Variants in TMPRSS2 observed in about 807,000 individuals in gnomAD.
TMPRSS2 encodes the protein transmembrane protease serine 2.
TMPRSS2 carries 59 observed loss-of-function variants against 67.4 expected under a neutral mutation model. That is an observed-to-expected ratio of 0.88 (90% CI 0.71 to 1.09). The LOEUF is 1.09. Ranked by LOEUF, TMPRSS2 falls within the 50% of genes least tolerant of loss-of-function variation. TMPRSS2 has a pLI of 0.00. For synonymous variants in TMPRSS2, 257 were observed against 257.0 expected, an observed-to-expected ratio of 1.00 and a Z score of 0.00; for missense variants, 668 against 642.7, an observed-to-expected ratio of 1.04 and a Z score of -0.43.
chr21:41,487,439 T>G (rs755602696), intron 5 of TMPRSS2: 1 of 152,206 alleles, frequency 6.6e-6, no homozygotes, highest in Non-Finnish European at 1.5e-5. Context: ...AAATCTTAGT[T>G]AGACAGGAGG....
rs780868244 is a variant in TMPRSS2 at position 41,465,986 on chromosome 21, A to G, written c.*156T>C. Reference sequence around the variant, plus strand: ...GGGCAGGGGAGCCACTGCAGCCTGCACAGAATGGCAGAGAGTGCCAAAGCC... The same window carrying G: ...GGGCAGGGGAGCCACTGCAGCCTGCGCAGAATGGCAGAGAGTGCCAAAGCC... On this transcript the variant is annotated 3_prime_UTR_variant, in exon 14 of 14. Transcript: ENST00000332149. 1.1e-5 allele frequency: 10 copies of G among 899,356 alleles called. No homozygotes were observed. Among genetic ancestry groups the G allele is most frequent in the East Asian group, 2.6e-5 (1 of 38,306 alleles). The allele number at this position is 899,356 out of a possible 1,614,324, so 55.7% of individuals were successfully genotyped here.
chr21:41,502,186 G>A (rs1443151227), intron 1 of TMPRSS2, among the ~76,000 whole-genome samples: 1 of 152,202 alleles, frequency 6.6e-6, no homozygotes, highest in Non-Finnish European at 1.5e-5. Context: ...CGCATCCCAT[G>A]ACATGATGAA....
rs1330117456 is a variant in TMPRSS2, at chr21:41,468,410, C to T, written c.1300G>A (p.Val434Ile). Reference protein sequence around the residue: ...MICAGFLQGNVDSCQGDSGGP... With the variant: ...MICAGFLQGNIDSCQGDSGGP... ...TGTTGAATTACCTGGCAAGAATCGA[C>T]GTTCCCCTGCAGGAAGCCGGCACAG... The change falls in exon 12 of 14, where the codon GTC (valine) becomes ATC (isoleucine). Residue 434 changes from valine (V) to isoleucine (I), a missense_variant. Coordinates refer to ENST00000332149, the MANE Select transcript of TMPRSS2 (RefSeq NM_005656.4). 16 of 1,614,006 alleles carry T rather than the reference C, an allele frequency of 9.9e-6. No homozygotes were observed. In the Middle Eastern group the frequency reaches 4.9e-4, roughly 50 times the overall value.
intron 5 of TMPRSS2, among the ~76,000 whole-genome samples, chr21:41,485,558 G>A (rs2091290420): frequency 6.6e-6 from 1 of 151,788 alleles, no homozygotes; most frequent in African/African-American, 2.4e-5. Context: ...CTGAGGCTGG[G>A]GGATCGCTTA....
At chr21:41,485,078 ATGCGTGTG>A (rs1411123439) in intron 5 of TMPRSS2, among the ~76,000 whole-genome samples, 3 of 87,744 alleles carry the variant, frequency 3.4e-5, no homozygotes, top group Non-Finnish European at 7.1e-5. Flanking sequence ...TATGGGAGTG[ATGCGTGTG>A]TGTGTGTGTG....
At chr21:41,479,992 CTGA>C (rs1288908133) in intron 6 of TMPRSS2, among the ~76,000 whole-genome samples, 11 of 152,154 alleles carry the variant, frequency 7.2e-5, no homozygotes. Flanking sequence ...AAGTATCAGT[CTGA>C]TTGATTGATT....
At chr21:41,482,344 TC>T (rs1415773135) in intron 5 of TMPRSS2, among the ~76,000 whole-genome samples, 2 of 151,932 alleles carry the variant, frequency 1.3e-5, no homozygotes, top group Admixed American at 6.6e-5. Context: ...CAGAACAGAA[TC>T]CCATGCAGCT....
Position 41,488,450 on chromosome 21 carries a change from G to C in TMPRSS2, c.389C>G (p.Ser130Cys). 6.2e-7 allele frequency: 1 copy of C among 1,614,002 alleles called. No homozygotes were observed. The highest frequency in any genetic ancestry group is 8.5e-7 in the Non-Finnish European group (1 of 1,179,940). Reference protein sequence around the residue: ...CDSSGTCINPSNWCDGVSHCP... With the variant: ...CDSSGTCINPCNWCDGVSHCP... ...GTGTGACACGCCATCACACCAGTTA[G>C]AGGGGTTGATGCAGGTACCTGAGGA... The change falls in exon 5 of 14, where the codon TCT (serine) becomes TGT (cysteine). Residue 130 changes from serine to cysteine, a missense_variant. Ser to Cys is a moderately radical substitution (Grantham distance 112). Coordinates refer to ENST00000332149, the MANE Select transcript of TMPRSS2 (RefSeq NM_005656.4).
chr21:41,475,540 A>G, intron 8 of TMPRSS2, among the ~76,000 whole-genome samples: 1 of 30,152 alleles, frequency 3.3e-5, no homozygotes, highest in Admixed American at 3.5e-4. Context: ...GTGAAGGGTG[A>G]GTGAGGGGGT....
rs749665029 is a variant in TMPRSS2, at chr21:41,494,511, G to A, written c.83C>T (p.Ala28Val). ...HGYQPENPYP[A>V]QPTVVPTVYE... Reference sequence around the variant, plus strand: ...GACAGTGGGGACCACAGTGGGCTGTGCGGGATAGGGGTTTTCCGGTTGGTA... The same window carrying A: ...GACAGTGGGGACCACAGTGGGCTGTACGGGATAGGGGTTTTCCGGTTGGTA... The change falls in exon 3 of 14, where the codon GCA (alanine) becomes GTA (valine). Residue 28 changes from alanine (A) to valine (V), a missense_variant. Ala to Val is a moderately conservative substitution (Grantham distance 64). Coordinates refer to ENST00000332149, the MANE Select transcript of TMPRSS2 (RefSeq NM_005656.4). 6.8e-6 allele frequency: 11 copies of A among 1,614,124 alleles called. No homozygotes were observed. Among genetic ancestry groups the A allele is most frequent in the Middle Eastern group, 1.6e-4 (1 of 6,062 alleles).
chr21:41,485,200 T>G (rs1463558943), intron 5 of TMPRSS2, among the ~76,000 whole-genome samples: 1 of 151,844 alleles, frequency 6.6e-6, no homozygotes. Flanking sequence ...CTTTTGTACT[T>G]CCTTGATTTT....
intron 1 of TMPRSS2, chr21:41,507,839 G>A: frequency 2.4e-6 from 3 of 1,234,712 alleles, no homozygotes; most frequent in Non-Finnish European, 3.2e-6. Flanking sequence ...AACAGGGGCG[G>A]CGAGGGCTCT....
In TMPRSS2 at chr21:41,468,572, T is replaced by C. The variant is rs1208880656; in HGVS notation, c.1172-34A>G. On this transcript the variant is annotated intron_variant, in intron 11 of 13. Transcript: ENST00000332149. ...AGGGAGACTTGTTGAGCTCCCAGTG[T>C]TGCCTGCAGCTCTCGCAGGGAGAGC... 3.1e-6 allele frequency: 5 copies of C among 1,611,588 alleles called. No individual in the cohort carries two copies. The African/African-American group carries it at 6.7e-5, about 22-fold the overall frequency.
At chr21:41,505,597 C>T (rs1287734930) in intron 1 of TMPRSS2, among the ~76,000 whole-genome samples, 2 of 152,216 alleles carry the variant, frequency 1.3e-5, no homozygotes, top group Admixed American at 6.5e-5. Flanking sequence ...CCATGTCATA[C>T]TGCTAGAGGG....
Position 41,480,594 on chromosome 21 carries a change from A to C in TMPRSS2, c.454T>G (p.Tyr152Asp), listed in dbSNP as rs899376787. The C allele has an allele frequency of 7.4e-6, 12 of 1,613,694 alleles. No individual in the cohort carries two copies. The highest frequency in any genetic ancestry group is 9.3e-6 in the Non-Finnish European group (11 of 1,180,032). ...GEDENRCVRLYGPNFILQVYS... is the reference protein window; with the variant it reads ...GEDENRCVRLDGPNFILQVYS... ...ACCTGAAGGATGAAGTTTGGTCCGT[A>C]GAGGCGAACTGCACGAGAGGGAGGA... The change falls in exon 6 of 14, where the codon TAC becomes GAC. Residue 152 changes from tyrosine to aspartate, a missense_variant. Transcript: ENST00000332149.
chr21:41,479,034 C>T, intron 7 of TMPRSS2, 138 bp downstream of exon 7: 1 of 657,108 alleles, frequency 1.5e-6, no homozygotes, highest in Non-Finnish European at 2.6e-6. Flanking sequence ...CCTGGTCAGA[C>T]TCTAATCTCC....
intron 5 of TMPRSS2, among the ~76,000 whole-genome samples, chr21:41,481,478 G>A (rs564795317): frequency 6.6e-6 from 1 of 152,280 alleles, no homozygotes; most frequent in South Asian, 2.1e-4. Flanking sequence ...GGACGGGCTG[G>A]GAGGAGGGAT....
chr21:41,503,430 G>A (rs1421375655), intron 1 of TMPRSS2, among the ~76,000 whole-genome samples: 1 of 152,232 alleles, frequency 6.6e-6, no homozygotes, highest in African/African-American at 2.4e-5. Flanking sequence ...GGGATTAAGT[G>A]AGAAAGCAAG....
Position 41,479,459 on chromosome 21 carries a change from CA to C in TMPRSS2, c.573-178del, listed in dbSNP as rs1432536969. 4.6e-5 allele frequency among the ~76,000 whole-genome samples: 7 copies of C among 152,290 alleles called. No individual in the cohort carries two copies. The East Asian group carries it at 1.3e-3, about 29-fold the overall frequency. On this transcript the variant is annotated intron_variant, in intron 6 of 13. Transcript: ENST00000332149. Reference sequence around the variant, plus strand: ...AGAATATTGTAACGATTTTTCGATTCAATAACCCTAAAGTGTCAGACAAAAT... The same window carrying C: ...AGAATATTGTAACGATTTTTCGATTCATAACCCTAAAGTGTCAGACAAAAT...
Sources: allele counts gnomAD v4.1 joint callset (sites outside exome capture counted in the v4.1 genomes callset), GRCh38; gene constraint gnomAD v4.1.1; transcripts MANE v1.5; gene names NCBI Gene and HGNC (gene_info 2026-07-23, HGNC 2026-07-21).